ZMIZ1: variants seen among roughly 807,000 people sequenced by gnomAD.
The protein encoded by ZMIZ1 is zinc finger MIZ domain-containing protein 1.
Under a neutral mutation model 113.9 loss-of-function variants are expected in ZMIZ1, and 17 were observed. The observed-to-expected ratio is 0.15, with a 90% CI of 0.10 to 0.22. The LOEUF (loss-of-function observed/expected upper bound fraction) is 0.22. Among genes scored for constraint, ZMIZ1 ranks in the 10% least tolerant of loss-of-function variants. The pLI is 1.00. For synonymous variants in ZMIZ1, 607 were observed against 603.1 expected, an observed-to-expected ratio of 1.01 and a Z score of -0.09; for missense variants, 1,059 against 1,477.8, an observed-to-expected ratio of 0.72 and a Z score of 4.65.
intron 7 of ZMIZ1, among the ~76,000 whole-genome samples, chr10:79,268,289 CAT>C (rs1438764563): frequency 1.9e-4 from 29 of 152,366 alleles, no homozygotes; most frequent in East Asian, 5.8e-4. Flanking sequence ...TGTCATGAAA[CAT>C]GTGTCATGTG....
chr10:79,200,774 C>T (rs551323937), intron 4 of ZMIZ1, among the ~76,000 whole-genome samples: 10 of 152,260 alleles, frequency 6.6e-5, no homozygotes, highest in African/African-American at 2.4e-4. Flanking sequence ...AAATTATGAA[C>T]AACTCAAAGC....
In ZMIZ1 at chr10:79,216,274, G is replaced by A. The variant is rs756059211; in HGVS notation, c.280G>A (p.Ala94Thr). 2.2e-5 allele frequency: 35 copies of A among 1,587,220 alleles called. No individual in the cohort carries two copies. Among genetic ancestry groups the A allele is most frequent in the Admixed American group, 3.5e-5 (2 of 56,500 alleles). Reference protein sequence around the residue: ...NRDKFTPKSAALLSSWCEELG... With the variant: ...NRDKFTPKSATLLSSWCEELG... ...AGACAAGTTCACCCCGAAGTCTGCC[G>A]GTAGGTGTCCGTGGGGGACTCTGCG... The change falls in exon 7 of 25, where the codon GCC becomes ACC. Residue 94 changes from alanine (A) to threonine (T), a missense_variant and splice_region_variant. Physicochemically the swap from Ala to Thr is moderately conservative, Grantham distance 58. This residue lies in a region of ZMIZ1 where 272 missense variants were observed against 350.4 expected (regional missense o/e 0.78). Transcript: ENST00000334512.
chr10:79,083,608 T>A (rs998945551), intron 1 of ZMIZ1, among the ~76,000 whole-genome samples: 9 of 152,148 alleles, frequency 5.9e-5, no homozygotes, highest in Non-Finnish European at 1.0e-4. Flanking sequence ...GAGCCGAGAA[T>A]AGACTGAAGG....
At chr10:79,147,030 T>C (rs1266183491) in intron 3 of ZMIZ1, among the ~76,000 whole-genome samples, 1 of 152,140 alleles carries the variant, frequency 6.6e-6, no homozygotes, top group Non-Finnish European at 1.5e-5. Context: ...TTTCTCTCGC[T>C]ATTTGTCCAA....
At chr10:79,154,203 C>T (rs760556638) in intron 3 of ZMIZ1, among the ~76,000 whole-genome samples, 9 of 152,146 alleles carry the variant, frequency 5.9e-5, no homozygotes, top group Non-Finnish European at 7.4e-5. Context: ...CAGAATGGAC[C>T]TGGGTTCCAT....
At chr10:79,095,211 T>C (rs1446048058) in intron 1 of ZMIZ1, among the ~76,000 whole-genome samples, 1 of 152,202 alleles carries the variant, frequency 6.6e-6, no homozygotes, top group Non-Finnish European at 1.5e-5. Context: ...CAAAATATGC[T>C]CATGTACACT....
chr10:79,124,457 C>A (rs1160848467), intron 2 of ZMIZ1, among the ~76,000 whole-genome samples: 2 of 152,260 alleles, frequency 1.3e-5, no homozygotes, highest in Non-Finnish European at 2.9e-5. Flanking sequence ...CCACAACAAA[C>A]TGCCTGTCAC....
At chr10:79,084,271 A>G (rs769167449) in intron 1 of ZMIZ1, among the ~76,000 whole-genome samples, 3 of 151,380 alleles carry the variant, frequency 2.0e-5, no homozygotes, top group Non-Finnish European at 4.4e-5. Context: ...TCCCTCCCAC[A>G]CTCTATTGCA....
intron 3 of ZMIZ1, among the ~76,000 whole-genome samples, chr10:79,146,568 G>T (rs1845491854): frequency 6.6e-6 from 1 of 152,246 alleles, no homozygotes. Context: ...CCCCTCCTGT[G>T]TGGCCCCAAC....
intron 2 of ZMIZ1, among the ~76,000 whole-genome samples, chr10:79,129,494 C>T (rs1332080058): frequency 6.6e-6 from 1 of 152,074 alleles, no homozygotes; most frequent in Non-Finnish European, 1.5e-5. Context: ...ATAGGCCCCT[C>T]CCCCAGCCAG....
chr10:79,283,882 G>C (rs761450737), intron 8 of ZMIZ1, among the ~76,000 whole-genome samples: 65 of 152,288 alleles, frequency 4.3e-4, no homozygotes, highest in Middle Eastern at 3.4e-3. Flanking sequence ...AATTAAACAG[G>C]GTGGGAGCTT....
chr10:79,302,244 A>G, intron 18 of ZMIZ1, 32 bp downstream of exon 18: 3 of 1,596,710 alleles, frequency 1.9e-6, no homozygotes, highest in Non-Finnish European at 2.6e-6. Context: ...GGTGAGGGCC[A>G]GACTCCATCC....
intron 4 of ZMIZ1, among the ~76,000 whole-genome samples, chr10:79,175,998 TG>T (rs1156854735): frequency 1.3e-5 from 2 of 152,048 alleles, no homozygotes; most frequent in Non-Finnish European, 2.9e-5. Flanking sequence ...CCTGAAAATG[TG>T]CCCTTTGTCT....
At chr10:79,080,630 G>A (rs1342183958) in intron 1 of ZMIZ1, among the ~76,000 whole-genome samples, 1 of 152,132 alleles carries the variant, frequency 6.6e-6, no homozygotes, top group Non-Finnish European at 1.5e-5. Context: ...TTCTTGTTTG[G>A]TGTTTGGCGA....
chr10:79,153,046 C>T lies in ZMIZ1; in HGVS notation c.-130-9007C>T, dbSNP rs116662627. On this transcript the variant is annotated intron_variant, in intron 3 of 24. Coordinates refer to ENST00000334512, the MANE Select transcript of ZMIZ1 (RefSeq NM_020338.4). ...AGGGTGACTCCCCTGAGAATCTCAC[C>T]GTGTCGCTGGACTGAGGGAACCCCT... 4.4e-3 allele frequency among the ~76,000 whole-genome samples: 672 copies of T among 152,322 alleles called. 6 individuals are homozygous for T. The highest frequency in any genetic ancestry group is 0.015 in the African/African-American group (640 of 41,570).
At chr10:79,255,611 C>T (rs958012008) in intron 7 of ZMIZ1, among the ~76,000 whole-genome samples, 2 of 152,126 alleles carry the variant, frequency 1.3e-5, no homozygotes, top group Non-Finnish European at 2.9e-5. Flanking sequence ...CCATGTCTCT[C>T]AGGGTCTCTG....
At chr10:79,117,377 C>T (rs1045290862) in intron 1 of ZMIZ1, among the ~76,000 whole-genome samples, 7 of 142,920 alleles carry the variant, frequency 4.9e-5, no homozygotes, top group African/African-American at 2.1e-4. Flanking sequence ...AAATGGATCT[C>T]ATAAGTGTAT....
At position 79,289,901 on chromosome 10, in the gene ZMIZ1, T is replaced by C. The variant is rs1853355026; in HGVS notation, c.540+12T>C. ...CATCCCAGAGCCAGGTAAGAGCCTA[T>C]ACTGCCCTCAGCCACAGCTCTTTCT... On this transcript the variant is annotated intron_variant, in intron 9 of 24. Transcript: ENST00000334512. The C allele has an allele frequency of 6.2e-7, 1 of 1,611,508 alleles. No homozygotes were observed. The highest frequency in any genetic ancestry group is 1.3e-5 in the African/African-American group (1 of 75,036).
intron 7 of ZMIZ1, among the ~76,000 whole-genome samples, chr10:79,243,332 C>T (rs1298799923): frequency 1.3e-5 from 2 of 149,984 alleles, no homozygotes; most frequent in African/African-American, 4.9e-5. Context: ...CCCGGGCGCG[C>T]GGCTGGCTGC....
Sources: allele counts gnomAD v4.1 joint callset (sites outside exome capture counted in the v4.1 genomes callset), GRCh38; gene constraint gnomAD v4.1.1; regional missense constraint gnomAD v4.1.1; transcripts MANE v1.5; gene names NCBI Gene and HGNC (gene_info 2026-07-23, HGNC 2026-07-21).